Variants in SPAG16 observed in about 807,000 individuals in gnomAD.
SPAG16 encodes the protein sperm-associated antigen 16 protein.
Under a neutral mutation model 80.4 loss-of-function variants are expected in SPAG16, and 86 were observed. The ratio of observed to expected loss-of-function variants is 1.07; its 90% confidence interval spans 0.90 to 1.28. The LOEUF (loss-of-function observed/expected upper bound fraction) is 1.28, where lower values mean the gene tolerates loss of function less well. Among genes scored for constraint, SPAG16 ranks in the 50% most tolerant of loss-of-function variants. The probability of loss-of-function intolerance (pLI) is 0.00; values close to 1 mark genes in which losing one functional copy is unlikely to be tolerated. For missense variants in SPAG16, 870 were observed against 765.3 expected (o/e 1.14, Z -1.61); for synonymous variants, 294 against 265.9 (o/e 1.11, Z -1.03).
intron 13 of SPAG16, among the ~76,000 whole-genome samples, chr2:214,105,243 T>C (rs528635964): frequency 6.8e-4 from 103 of 152,114 alleles, no homozygotes; most frequent in African/African-American, 2.4e-3. Flanking sequence ...AGAAGGCAAA[T>C]AGACATTCAA....
intron 9 of SPAG16, among the ~76,000 whole-genome samples, chr2:213,489,392 AATG>A (rs1446207112): frequency 6.6e-6 from 1 of 152,218 alleles, no homozygotes. Flanking sequence ...GTGACCAAGA[AATG>A]ACAGATGTGG....
chr2:214,406,774 A>G (rs75475908), intron 15 of SPAG16, among the ~76,000 whole-genome samples: 5,092 of 152,214 alleles, frequency 0.033, 280 homozygotes, highest in African/African-American at 0.12. Flanking sequence ...TTCATCCAAC[A>G]GAGTGAAATG....
At chr2:214,325,148 T>C (rs1020248094) in intron 15 of SPAG16, among the ~76,000 whole-genome samples, 1 of 152,228 alleles carries the variant, frequency 6.6e-6, no homozygotes, top group African/African-American at 2.4e-5. Context: ...TTTTGAGAAC[T>C]ACAATACCAA....
At chr2:213,394,765 A>G (rs964572507) in intron 9 of SPAG16, among the ~76,000 whole-genome samples, 1 of 152,156 alleles carries the variant, frequency 6.6e-6, no homozygotes, top group Non-Finnish European at 1.5e-5. Context: ...TGTGTGGATC[A>G]GTAGCTGATC....
At position 214,011,420 on chromosome 2, in the gene SPAG16, T is replaced by G. The variant is rs146674169; in HGVS notation, c.1401-2531T>G. On this transcript the variant is annotated intron_variant, in intron 12 of 15. Coordinates refer to ENST00000331683, the MANE Select transcript of SPAG16 (RefSeq NM_024532.5). The stretch of plus-strand genomic sequence containing the variant: ...AACCCAAGTATACTCGTAAATATTC[T>G]AATATATTGGTATACTTCTTGGGTC... 1.1e-3 allele frequency among the ~76,000 whole-genome samples: 131 copies of G among 119,154 alleles called. 28 individuals are homozygous for G. Among genetic ancestry groups the G allele is most frequent in the African/African-American group, 5.3e-3 (128 of 23,964 alleles). The allele number at this position is 119,154 out of a possible 152,430, so 78.2% of individuals were successfully genotyped here.
At chr2:213,351,689 A>G (rs912990150) in intron 7 of SPAG16, among the ~76,000 whole-genome samples, 2 of 152,176 alleles carry the variant, frequency 1.3e-5, no homozygotes, top group African/African-American at 4.8e-5. Context: ...ACATGATGAT[A>G]ATACTCTTTT....
chr2:214,224,224 C>A (rs1350275378), intron 15 of SPAG16, among the ~76,000 whole-genome samples: 1 of 152,140 alleles, frequency 6.6e-6, no homozygotes, highest in African/African-American at 2.4e-5. Context: ...AGCCTGACAC[C>A]AGCTTGCCTT....
intron 4 of SPAG16, among the ~76,000 whole-genome samples, chr2:213,311,200 G>A (rs1410126189): frequency 6.6e-6 from 1 of 151,540 alleles, no homozygotes; most frequent in Non-Finnish European, 1.5e-5. Context: ...CTTAAATTTG[G>A]AAATAGTGTG....
intron 5 of SPAG16, among the ~76,000 whole-genome samples, chr2:213,331,854 A>C: frequency 6.6e-6 from 1 of 152,224 alleles, no homozygotes; most frequent in Non-Finnish European, 1.5e-5. Context: ...AACACAACAT[A>C]CCATAATCTA....
intron 12 of SPAG16, among the ~76,000 whole-genome samples, chr2:213,980,608 G>GTGTATATATGGAA (rs2045677105): frequency 7.4e-6 from 1 of 134,772 alleles, no homozygotes; most frequent in Non-Finnish European, 1.6e-5. Flanking sequence ...TATATATGGA[G>GTGTATATATGGAA]TATATGTATA....
chr2:213,918,327 A>G (rs1022811304), intron 11 of SPAG16, among the ~76,000 whole-genome samples: 1 of 152,184 alleles, frequency 6.6e-6, no homozygotes, highest in Non-Finnish European at 1.5e-5. Flanking sequence ...TTTTTGGAAC[A>G]GTTTCAGTAA....
intron 10 of SPAG16, among the ~76,000 whole-genome samples, chr2:213,770,395 GC>G (rs1351640369): frequency 1.0e-3 from 158 of 152,124 alleles, no homozygotes; most frequent in African/African-American, 3.6e-3. Context: ...GCTCTCATCA[GC>G]ATGCCTTTTC....
At chr2:213,320,809 A>G (rs1020008684) in intron 5 of SPAG16, among the ~76,000 whole-genome samples, 1 of 151,932 alleles carries the variant, frequency 6.6e-6, no homozygotes, top group African/African-American at 2.4e-5. Context: ...TGATTTATTT[A>G]TTCTTCTGTT....
At chr2:213,379,765 G>T (rs1490677786) in intron 9 of SPAG16, among the ~76,000 whole-genome samples, 1 of 152,140 alleles carries the variant, frequency 6.6e-6, no homozygotes, top group South Asian at 2.1e-4. Flanking sequence ...TGGCAAATTG[G>T]GCACTCAGCA....
intron 15 of SPAG16, among the ~76,000 whole-genome samples, chr2:214,233,636 C>T (rs1395446619): frequency 6.6e-6 from 1 of 152,030 alleles, no homozygotes; most frequent in Admixed American, 6.6e-5. Context: ...ATGATCACTT[C>T]AATTCTTTGT....
chr2:213,302,748 TTTAAGG>T (rs1376872964), intron 3 of SPAG16, among the ~76,000 whole-genome samples: 1 of 151,908 alleles, frequency 6.6e-6, no homozygotes, highest in Non-Finnish European at 1.5e-5. Flanking sequence ...ACCAACACAG[TTTAAGG>T]TGGTCGTATT....
At chr2:213,672,535 C>T (rs2063851437) in intron 10 of SPAG16, among the ~76,000 whole-genome samples, 1 of 152,010 alleles carries the variant, frequency 6.6e-6, no homozygotes, top group African/African-American at 2.4e-5. Flanking sequence ...TTTACATTTC[C>T]CGTCATCTTA....
chr2:214,170,247 T>G (rs1476927594), intron 15 of SPAG16, among the ~76,000 whole-genome samples: 1 of 121,712 alleles, frequency 8.2e-6, no homozygotes, highest in Non-Finnish European at 2.1e-5. Context: ...CACTTAGGTG[T>G]GTATACATAT....
At chr2:214,060,529 C>T (rs572843263) in intron 13 of SPAG16, among the ~76,000 whole-genome samples, 3 of 152,064 alleles carry the variant, frequency 2.0e-5, no homozygotes, top group Admixed American at 6.5e-5. Context: ...AACAATACAA[C>T]CATAAATCTC....
Sources: gnomAD v4.1 joint callset for allele counts (sites outside exome capture counted in the v4.1 genomes callset) on GRCh38, gnomAD v4.1.1 for gene constraint, MANE v1.5 for transcripts, NCBI Gene and HGNC (gene_info 2026-07-23, HGNC 2026-07-21) for gene names.